Variants in RIPOR3 observed in about 807,000 individuals in gnomAD.
The protein encoded by RIPOR3 is RIPOR family member 3.
Under a neutral mutation model 114.3 loss-of-function variants are expected in RIPOR3, and 95 were observed. The observed-to-expected ratio is 0.83, with a 90% CI of 0.70 to 0.99. The LOEUF (loss-of-function observed/expected upper bound fraction) is 0.99. Among genes scored for constraint, RIPOR3 ranks in the 50% least tolerant of loss-of-function variants. The probability of loss-of-function intolerance (pLI) is 0.00; values close to 1 mark genes in which losing one functional copy is unlikely to be tolerated. For missense variants in RIPOR3, 1,252 were observed against 1,266.9 expected, an observed-to-expected ratio of 0.99 and a Z score of 0.18; for synonymous variants, 575 against 543.8, an observed-to-expected ratio of 1.06 and a Z score of -0.80.
chr20:50,613,028 G>T (rs1014142021), intron 4 of RIPOR3, among the ~76,000 whole-genome samples: 2 of 152,226 alleles, frequency 1.3e-5, no homozygotes, highest in African/African-American at 4.8e-5. Flanking sequence ...AGGAGTTTGA[G>T]GTTACGGAGA....
chr20:50,610,756 G>A, intron 6 of RIPOR3, 97 bp downstream of exon 6: 1 of 1,543,924 alleles, frequency 6.5e-7, no homozygotes, highest in Non-Finnish European at 8.9e-7. Flanking sequence ...CCTGATCCCT[G>A]TTTCGAGGGC....
intron 1 of RIPOR3, among the ~76,000 whole-genome samples, chr20:50,647,643 C>T (rs377361958): frequency 2.9e-4 from 44 of 151,672 alleles, no homozygotes; most frequent in African/African-American, 8.5e-4. Flanking sequence ...CTACCATGCC[C>T]GGCTAATTTT....
At chr20:50,664,346 G>T in intron 1 of RIPOR3, among the ~76,000 whole-genome samples, 1 of 152,200 alleles carries the variant, frequency 6.6e-6, no homozygotes, top group East Asian at 1.9e-4. Context: ...TGGCTGCTAG[G>T]CTGTGAGCCC....
chr20:50,637,444 A>C (rs759665285), intron 1 of RIPOR3, among the ~76,000 whole-genome samples: 51 of 152,066 alleles, frequency 3.4e-4, no homozygotes, highest in East Asian at 7.7e-4. Context: ...GCTAACGTGG[A>C]CTTGCCCCTC....
intron 1 of RIPOR3, among the ~76,000 whole-genome samples, chr20:50,643,280 C>A (rs1056382546): frequency 1.3e-5 from 2 of 149,226 alleles, no homozygotes; most frequent in Non-Finnish European, 3.0e-5. Flanking sequence ...CACCACTAGG[C>A]CAGGCTAATT....
chr20:50,657,256 G>C (rs987606854), intron 1 of RIPOR3, among the ~76,000 whole-genome samples: 1 of 152,198 alleles, frequency 6.6e-6, no homozygotes, highest in African/African-American at 2.4e-5. Context: ...GCTGGGCATG[G>C]TGGTTCACAC....
At chr20:50,596,485 G>A (rs535448403) in intron 14 of RIPOR3, among the ~76,000 whole-genome samples, 19 of 152,328 alleles carry the variant, frequency 1.2e-4, no homozygotes, top group African/African-American at 4.3e-4. Flanking sequence ...GCGGGCAGTC[G>A]TCTTCCAGGA....
rs746536957 is a variant in RIPOR3, at chr20:50,587,218, T to G, written c.*14A>C. On this transcript the variant is annotated 3_prime_UTR_variant, in exon 22 of 22. Coordinates refer to ENST00000327979, the MANE Select transcript of RIPOR3 (RefSeq NM_001290268.2). ...AAAAACGATGTGAGATTTGTGCTCA[T>G]CAGCCAGGATTTTTTAAAATATTGT... The G allele has an allele frequency of 4.3e-5, 69 of 1,605,448 alleles. 2 individuals carry two copies. The Admixed American group carries it at 1.2e-3, about 27-fold the overall frequency.
At chr20:50,678,697 G>A (rs763624280) in intron 1 of RIPOR3, among the ~76,000 whole-genome samples, 3 of 152,130 alleles carry the variant, frequency 2.0e-5, no homozygotes, top group Non-Finnish European at 2.9e-5. Context: ...GGAAGAGTGG[G>A]GGAGTCTTGA....
intron 1 of RIPOR3, among the ~76,000 whole-genome samples, chr20:50,640,257 C>T (rs1312087775): frequency 6.6e-6 from 1 of 151,984 alleles, no homozygotes; most frequent in African/African-American, 2.4e-5. Flanking sequence ...AGGATGTGCA[C>T]AAAGCCTGTA....
At chr20:50,678,088 C>T (rs1335052238) in intron 1 of RIPOR3, among the ~76,000 whole-genome samples, 1 of 152,180 alleles carries the variant, frequency 6.6e-6, no homozygotes, top group Non-Finnish European at 1.5e-5. Context: ...ATCTCATTTT[C>T]TCAATCATCA....
At chr20:50,614,426 C>A (rs2084087880) in intron 4 of RIPOR3, among the ~76,000 whole-genome samples, 1 of 152,188 alleles carries the variant, frequency 6.6e-6, no homozygotes, top group Non-Finnish European at 1.5e-5. Context: ...CACATTGGTG[C>A]TTTGGAGGAG....
chr20:50,611,224 G>C lies in RIPOR3; in HGVS notation c.349-20C>G. The C allele has an allele frequency of 6.2e-7, 1 of 1,614,062 alleles. No homozygotes were observed. Among genetic ancestry groups the C allele is most frequent in the Non-Finnish European group, 8.5e-7 (1 of 1,180,024 alleles). On this transcript the variant is annotated intron_variant, in intron 4 of 21. Coordinates refer to ENST00000327979, the MANE Select transcript of RIPOR3 (RefSeq NM_001290268.2). ...GAAAGCCTGTGAGGGAGGAAAGGAG[G>C]GCGGAAGAAGCTGTCAGAGTCCCAC...
In RIPOR3 at chr20:50,655,600, T is replaced by C. The variant is rs573029287; in HGVS notation, c.4-24744A>G. Among the ~76,000 whole-genome samples, 15 of 152,238 alleles carry C rather than the reference T, an allele frequency of 9.9e-5. No homozygotes were observed. The East Asian group carries it at 2.9e-3, about 29-fold the overall frequency. ...TTTTGGAAAGCTGCGCCTGTAACAG[T>C]CTGCATCGATCTAGCAGAGTTTTGG... On this transcript the variant is annotated intron_variant, in intron 1 of 21. Coordinates refer to ENST00000327979, the MANE Select transcript of RIPOR3 (RefSeq NM_001290268.2).
intron 1 of RIPOR3, among the ~76,000 whole-genome samples, chr20:50,659,567 A>C (rs934868494): frequency 1.0e-4 from 15 of 150,484 alleles, no homozygotes; most frequent in Admixed American, 2.0e-4. Flanking sequence ...GAATCACTTG[A>C]ACCCTGGAAG....
intron 19 of RIPOR3, among the ~76,000 whole-genome samples, chr20:50,590,525 C>T (rs373028522): frequency 1.3e-5 from 2 of 152,300 alleles, no homozygotes; most frequent in South Asian, 2.1e-4. Context: ...AGAGAATGGC[C>T]GCCTTTCCAT....
At chr20:50,684,741 T>C (rs1052997623) in intron 1 of RIPOR3, among the ~76,000 whole-genome samples, 1 of 152,144 alleles carries the variant, frequency 6.6e-6, no homozygotes, top group Non-Finnish European at 1.5e-5. Flanking sequence ...AGCTTCTGGG[T>C]GCAGGTTGAC....
Position 50,640,904 on chromosome 20 carries a change from A to ACTT in RIPOR3, c.4-10051_4-10049dup, listed in dbSNP as rs1169699812. On this transcript the variant is annotated intron_variant, in intron 1 of 21. Transcript: ENST00000327979. ...ATTGTTATAGCAAGTTGTAATATGC[A>ACTT]CTTCTTTTTTTTTTTTTTTTTTGAG... Among the ~76,000 whole-genome samples the ACTT allele has an allele frequency of 1.3e-3, 199 of 147,782 alleles. 1 individual carries two copies. The highest frequency in any genetic ancestry group is 4.8e-3 in the African/African-American group (191 of 39,950).
At chr20:50,604,055 G>A (rs2083602474) in intron 12 of RIPOR3, among the ~76,000 whole-genome samples, 1 of 151,988 alleles carries the variant, frequency 6.6e-6, no homozygotes, top group Non-Finnish European at 1.5e-5. Flanking sequence ...GGTGGCGTGT[G>A]CCTGTAATCC....
Sources: allele counts gnomAD v4.1 joint callset (sites outside exome capture counted in the v4.1 genomes callset), GRCh38; gene constraint gnomAD v4.1.1; transcripts MANE v1.5; gene names NCBI Gene and HGNC (gene_info 2026-07-23, HGNC 2026-07-21).